Variants in DNAJC17 observed in about 807,000 individuals in gnomAD.
DNAJC17 encodes the protein dnaJ homolog subfamily C member 17.
A neutral mutation model predicts 48.1 loss-of-function variants in DNAJC17; 35 were observed. The ratio of observed to expected loss-of-function variants is 0.73; its 90% CI spans 0.56 to 0.96. The LOEUF (loss-of-function observed/expected upper bound fraction) is 0.96. Among genes scored for constraint, DNAJC17 ranks in the 50% least tolerant of loss-of-function variants. The pLI is 0.00. For synonymous variants in DNAJC17, 117 were observed against 142.7 expected (o/e 0.82, Z 1.28); for missense variants, 355 against 377.1 (o/e 0.94, Z 0.48).
intron 1 of DNAJC17, among the ~76,000 whole-genome samples, chr15:40,800,907 G>A (rs1403836849): frequency 2.0e-5 from 3 of 150,514 alleles, no homozygotes; most frequent in African/African-American, 7.3e-5. Flanking sequence ...ATAGTGAGCC[G>A]AGATTGCGCC....
At chr15:40,790,229 A>T (rs1889763116) in intron 1 of DNAJC17, among the ~76,000 whole-genome samples, 1 of 152,060 alleles carries the variant, frequency 6.6e-6, no homozygotes, top group South Asian at 2.1e-4. Context: ...CTGTTGCTCT[A>T]ATTGGTCCTG....
chr15:40,797,710 C>CTCAAACAAATTTCTAACCCA, intron 1 of DNAJC17, among the ~76,000 whole-genome samples: 2 of 147,904 alleles, frequency 1.4e-5, no homozygotes, highest in East Asian at 2.0e-4. Flanking sequence ...CCGCACCTGG[C>CTCAAACAAATTTCTAACCCA]CGATCTCTTT....
chr15:40,799,733 T>A (rs1890030052), intron 1 of DNAJC17, among the ~76,000 whole-genome samples: 1 of 152,162 alleles, frequency 6.6e-6, no homozygotes, highest in Non-Finnish European at 1.5e-5. Flanking sequence ...ATATGGTAAT[T>A]CCATGTTTAA....
chr15:40,790,908 T>C (rs1889780725), intron 1 of DNAJC17, among the ~76,000 whole-genome samples: 1 of 151,894 alleles, frequency 6.6e-6, no homozygotes, highest in Non-Finnish European at 1.5e-5. Context: ...TGGTGAAGAG[T>C]GATACTGAGG....
At position 40,776,591 on chromosome 15, in the gene DNAJC17, T is replaced by TCCTGGG. The variant is rs769946160; in HGVS notation, c.326_331dup (p.Ala109_Gln110dup). On this transcript the variant is annotated inframe_insertion, in exon 5 of 11. Transcript: ENST00000220496. Reference sequence around the variant, plus strand: ...CCGGCTCTCCTCTTCCTCCTCACTCTCCTGGGCCTGGGCCTGCCGCTCCCG... The same window carrying TCCTGGG: ...CCGGCTCTCCTCTTCCTCCTCACTCTCCTGGGCCTGGGCCTGGGCCTGCCGCTCCCG... The TCCTGGG allele has an allele frequency of 3.2e-5, 51 of 1,613,966 alleles. No homozygotes were observed. In the African/African-American group the frequency reaches 3.9e-4, roughly 12 times the overall value.
At chr15:40,786,081 G>A (rs577708580) in intron 1 of DNAJC17, among the ~76,000 whole-genome samples, 37 of 152,192 alleles carry the variant, frequency 2.4e-4, no homozygotes, top group Non-Finnish European at 4.7e-4. Context: ...GCTGCCTGAA[G>A]AATTTCTCAC....
intron 1 of DNAJC17, among the ~76,000 whole-genome samples, chr15:40,793,994 A>G (rs1412263546): frequency 2.6e-5 from 4 of 152,162 alleles, no homozygotes; most frequent in East Asian, 3.8e-4. Context: ...CAATTCTAAC[A>G]TCTGTATCAT....
chr15:40,783,841 T>C (rs1184066068), intron 1 of DNAJC17, among the ~76,000 whole-genome samples: 3 of 152,000 alleles, frequency 2.0e-5, no homozygotes, highest in African/African-American at 7.3e-5. Context: ...CCAGCCTGGG[T>C]GACAGAGTAA....
chr15:40,779,222 C>A lies in DNAJC17; in HGVS notation c.295+1G>T. 6.2e-7 allele frequency: 1 copy of A among 1,614,112 alleles called. No individual in the cohort carries two copies. Among genetic ancestry groups the A allele is most frequent in the Non-Finnish European group, 8.5e-7 (1 of 1,180,010 alleles). ...CCACCGAGCACTATGATGGCACCTACCAAGCTTCACTTTCTTCCTTTTCTC... is the reference window on the plus strand; with the variant it reads ...CCACCGAGCACTATGATGGCACCTAACAAGCTTCACTTTCTTCCTTTTCTC... On this transcript the variant is annotated splice_donor_variant, in intron 4 of 10. Transcript: ENST00000220496. LOFTEE classifies it high-confidence loss of function.
At chr15:40,779,478 C>T (rs1034283168) in intron 3 of DNAJC17, 67 bp downstream of exon 3, 6 of 1,601,820 alleles carry the variant, frequency 3.7e-6, no homozygotes, top group African/African-American at 1.3e-5. Context: ...GGCAGAGGAC[C>T]GAGGTTGAGA....
rs1189097735 is a variant in DNAJC17 at position 40,770,723 on chromosome 15, G to A, written c.793-2661C>T. On this transcript the variant is annotated intron_variant, in intron 10 of 10. Transcript: ENST00000220496. The surrounding 1 kb of genome is among the most constrained non-coding windows in gnomAD (Gnocchi z 5.0). ...GGGACGAGCAGCCCCGGGCCACCCT[G>A]CTGGCCCCACCCAAGCCCCCACGCC... is the stretch of plus-strand genomic sequence containing the variant. The A allele has an allele frequency of 6.5e-7, 1 of 1,545,928 alleles. No homozygotes were observed. Among genetic ancestry groups the A allele is most frequent in the Non-Finnish European group, 8.7e-7 (1 of 1,146,906 alleles).
intron 1 of DNAJC17, among the ~76,000 whole-genome samples, chr15:40,783,895 G>A (rs1050244069): frequency 6.6e-6 from 1 of 152,062 alleles, no homozygotes; most frequent in Non-Finnish European, 1.5e-5. Flanking sequence ...TATGTTCCTT[G>A]TTATAAATCT....
intron 1 of DNAJC17, chr15:40,792,387 TA>T: frequency 2.3e-5 from 20 of 879,838 alleles, no homozygotes; most frequent in Non-Finnish European, 2.6e-5. Context: ...TAAATAGACT[TA>T]AGCTTTGAGT....
Position 40,768,075 on chromosome 15 carries a change from G to GCT in DNAJC17, c.793-14_793-13insAG. 6.5e-7 allele frequency: 1 copy of GCT among 1,537,040 alleles called. No individual in the cohort carries two copies. The highest frequency in any genetic ancestry group is 8.7e-7 in the Non-Finnish European group (1 of 1,145,508). Reference sequence around the variant, plus strand: ...ACAGCACTGAGCCCTGTCGGACAGGGCAGGGACAGGGAGGGGTCAGGGACA... The same window carrying GCT: ...ACAGCACTGAGCCCTGTCGGACAGGGCTCAGGGACAGGGAGGGGTCAGGGACA... On this transcript the variant is annotated splice_polypyrimidine_tract_variant and intron_variant, in intron 10 of 10. Transcript: ENST00000220496.
chr15:40,779,855 A>C (rs1287515119), intron 2 of DNAJC17, 73 bp downstream of exon 2: 10 of 1,515,528 alleles, frequency 6.6e-6, no homozygotes, highest in African/African-American at 1.4e-5. Context: ...ACTCACATGC[A>C]GAGCTTACAT....
rs1167916765 is a variant in DNAJC17 at position 40,769,184 on chromosome 15, G to A, written c.793-1122C>T. On this transcript the variant is annotated intron_variant, in intron 10 of 10. Transcript: ENST00000220496. This position sits in a 1 kb window ranked among gnomAD's most constrained non-coding sequence, Gnocchi z 4.2. ...CCCCGGCTGCAGCAGTCCCAGCTAG[G>A]CCGGACTGCTAAGCCTGGCCCAGAG... is the stretch of plus-strand genomic sequence containing the variant. Among the ~76,000 whole-genome samples the A allele has an allele frequency of 1.3e-5, 2 of 152,172 alleles. No homozygotes were observed. Among genetic ancestry groups the A allele is most frequent in the Non-Finnish European group, 2.9e-5 (2 of 68,028 alleles).
intron 9 of DNAJC17, 70 bp from the exon 10 acceptor site, chr15:40,773,907 C>G (rs1566820819): frequency 1.5e-6 from 2 of 1,356,880 alleles, no homozygotes; most frequent in Admixed American, 2.2e-5. Flanking sequence ...TCTACCCCCA[C>G]AGAGAGAACG....
intron 1 of DNAJC17, among the ~76,000 whole-genome samples, chr15:40,782,575 T>C (rs990581511): frequency 2.6e-5 from 4 of 152,018 alleles, no homozygotes; most frequent in African/African-American, 9.7e-5. Flanking sequence ...AGGCCTTTGC[T>C]TTCTCCCTTC....
intron 1 of DNAJC17, among the ~76,000 whole-genome samples, chr15:40,790,277 G>GA (rs2141957961): frequency 6.6e-6 from 1 of 152,234 alleles, no homozygotes; most frequent in African/African-American, 2.4e-5. Context: ...AAGAGGAGTA[G>GA]AAAATTCAGG....
Sources: allele counts gnomAD v4.1 joint callset (sites outside exome capture counted in the v4.1 genomes callset), GRCh38; gene constraint gnomAD v4.1.1; non-coding constraint Gnocchi (gnomAD v3.1); transcripts MANE v1.5; gene names NCBI Gene and HGNC (gene_info 2026-07-23, HGNC 2026-07-21).